The following DYNC1LI1 variants were observed in gnomAD, a reference collection of about 807,000 sequenced individuals.
The protein encoded by DYNC1LI1 is dynein cytoplasmic 1 light intermediate chain 1.
Under a neutral mutation model 63.8 loss-of-function variants are expected in DYNC1LI1, and 19 were observed. That is an observed-to-expected ratio of 0.30 (90% CI 0.21 to 0.44). The LOEUF (loss-of-function observed/expected upper bound fraction) is 0.44. DYNC1LI1 is among the 20% of genes least tolerant of loss of function. DYNC1LI1 has a pLI of 1.00. For missense variants in DYNC1LI1, 565 were observed against 630.2 expected, an observed-to-expected ratio of 0.90 and a Z score of 1.11; for synonymous variants, 225 against 232.3, an observed-to-expected ratio of 0.97 and a Z score of 0.28.
chr3:32,546,009 G>A (rs555955470), intron 2 of DYNC1LI1, 44 bp from the exon 3 acceptor site: 189 of 1,321,904 alleles, frequency 1.4e-4, no homozygotes, highest in South Asian at 7.8e-4. Context: ...TTATAACACC[G>A]ATTATTTAAG....
intron 10 of DYNC1LI1, 73 bp from the exon 11 acceptor site, chr3:32,529,733 A>T: frequency 7.3e-7 from 1 of 1,364,842 alleles, no homozygotes; most frequent in Non-Finnish European, 9.9e-7. Context: ...TATTGTAAAA[A>T]GAAATTACTT....
chr3:32,551,456 A>G lies in DYNC1LI1; in HGVS notation c.221-5491T>C, dbSNP rs531569112. On this transcript the variant is annotated intron_variant, in intron 2 of 12. Coordinates refer to ENST00000273130, the MANE Select transcript of DYNC1LI1 (RefSeq NM_016141.4). ...GAAAACAAACAGTGGAGGCCAGATC[A>G]TGAAAGGCATCTTATGCCAAGCTGA... Among the ~76,000 whole-genome samples the G allele has an allele frequency of 3.3e-5, 5 of 152,340 alleles. No homozygotes were observed. In the East Asian group the frequency reaches 9.7e-4, roughly 29 times the overall value.
At chr3:32,570,499 G>C (rs1293887436) in intron 1 of DYNC1LI1, 80 bp from the exon 2 acceptor site, 1 of 1,480,622 alleles carries the variant, frequency 6.8e-7, no homozygotes, top group Non-Finnish European at 9.0e-7. Flanking sequence ...TCGGCGCGCC[G>C]GGGATGGGGC....
intron 12 of DYNC1LI1, among the ~76,000 whole-genome samples, chr3:32,527,189 T>G (rs1408042675): frequency 6.6e-6 from 1 of 152,068 alleles, no homozygotes; most frequent in Non-Finnish European, 1.5e-5. Flanking sequence ...CCCAGCTACT[T>G]GGGAGGCTGA....
At chr3:32,528,393 T>C in intron 12 of DYNC1LI1, 53 bp downstream of exon 12, 2 of 1,600,874 alleles carry the variant, frequency 1.2e-6, no homozygotes, top group Admixed American at 1.7e-5. Flanking sequence ...AACTTCATTA[T>C]ATCTCAAAAA....
intron 2 of DYNC1LI1, among the ~76,000 whole-genome samples, chr3:32,566,031 G>C (rs1698254557): frequency 6.6e-6 from 1 of 152,182 alleles, no homozygotes; most frequent in African/African-American, 2.4e-5. Context: ...TACTTTGGGA[G>C]ACTGAGGTGA....
At chr3:32,542,630 ATTCCCGAC>A (rs574044614) in intron 4 of DYNC1LI1, among the ~76,000 whole-genome samples, 1 of 152,064 alleles carries the variant, frequency 6.6e-6, no homozygotes, top group Non-Finnish European at 1.5e-5. Flanking sequence ...CTAGTCTTGA[ATTCCCGAC>A]TTGTGATCCA....
intron 2 of DYNC1LI1, among the ~76,000 whole-genome samples, chr3:32,560,592 G>C (rs573333649): frequency 2.6e-5 from 4 of 152,016 alleles, no homozygotes; most frequent in Admixed American, 2.6e-4. Flanking sequence ...CCCTGCAGCT[G>C]GCCAAAGCCC....
chr3:32,563,329 C>T (rs1308346394), intron 2 of DYNC1LI1, among the ~76,000 whole-genome samples: 1 of 139,010 alleles, frequency 7.2e-6, no homozygotes, highest in Admixed American at 7.8e-5. Context: ...CTTGCTTGGT[C>T]ACCCAGGCTG....
chr3:32,542,138 C>T (rs1377431390), intron 4 of DYNC1LI1, among the ~76,000 whole-genome samples: 2 of 152,258 alleles, frequency 1.3e-5, no homozygotes, highest in Admixed American at 1.3e-4. Flanking sequence ...TATTTAGAGA[C>T]AGGGTCTTGC....
Position 32,530,516 on chromosome 3 carries a change from A to T in DYNC1LI1, c.1085T>A (p.Val362Glu). The T allele has an allele frequency of 6.2e-7, 1 of 1,612,690 alleles. No individual in the cohort carries two copies. ...IITKPPVRKFVHEKEIMAEDD... is the reference protein window; with the variant it reads ...IITKPPVRKFEHEKEIMAEDD... ...TTCTGCCATAATTTCCTTCTCATGT[A>T]CAAACTGAAATGAGCAATGCACAAA... is the stretch of plus-strand genomic sequence containing the variant. Residue 362 changes from valine to glutamate, a missense_variant, in exon 9 of 13, where the codon GTA becomes GAA. Physicochemically the swap from Val to Glu is moderately radical, Grantham distance 121. Transcript: ENST00000273130.
At chr3:32,562,895 A>G (rs772624981) in intron 2 of DYNC1LI1, among the ~76,000 whole-genome samples, 1 of 152,174 alleles carries the variant, frequency 6.6e-6, no homozygotes, top group African/African-American at 2.4e-5. Context: ...CGCCATATCT[A>G]AACTGCCTCG....
intron 6 of DYNC1LI1, among the ~76,000 whole-genome samples, chr3:32,535,308 T>C (rs148389613): frequency 7.7e-4 from 118 of 152,300 alleles, no homozygotes; most frequent in Non-Finnish European, 1.5e-3. Flanking sequence ...TGGATGTAAA[T>C]ATTAAGACAT....
chr3:32,570,317 C>A, intron 2 of DYNC1LI1, 29 bp downstream of exon 2: 1 of 1,522,560 alleles, frequency 6.6e-7, no homozygotes, highest in Non-Finnish European at 8.9e-7. Flanking sequence ...GGGGGCCGGG[C>A]GGGGCGGGGC....
chr3:32,546,705 G>T (rs1426016823), intron 2 of DYNC1LI1, among the ~76,000 whole-genome samples: 1 of 152,114 alleles, frequency 6.6e-6, no homozygotes, highest in Non-Finnish European at 1.5e-5. Context: ...AATCAAGGGG[G>T]AAGGATGGCA....
chr3:32,551,355 G>A (rs1408278400), intron 2 of DYNC1LI1, among the ~76,000 whole-genome samples: 1 of 152,194 alleles, frequency 6.6e-6, no homozygotes. Context: ...CAGAAGCAAA[G>A]AAGCATCCTT....
chr3:32,533,491 A>G (rs1239197302), intron 7 of DYNC1LI1, among the ~76,000 whole-genome samples: 1 of 152,076 alleles, frequency 6.6e-6, no homozygotes, highest in East Asian at 1.9e-4. Flanking sequence ...AAAGATTACC[A>G]ATATTAAAAA....
chr3:32,532,630 C>G (rs1376516093), intron 8 of DYNC1LI1: 1 of 165,386 alleles, frequency 6.0e-6, no homozygotes, highest in African/African-American at 2.4e-5. Context: ...TGGCTCTTGG[C>G]CAAGCTCTAG....
At chr3:32,557,522 C>CA (rs1294308206) in intron 2 of DYNC1LI1, among the ~76,000 whole-genome samples, 2 of 147,554 alleles carry the variant, frequency 1.4e-5, no homozygotes, top group African/African-American at 5.0e-5. Context: ...GACTCCGTCT[C>CA]AAAAAAAGTA....
Sources: gnomAD v4.1 joint callset for allele counts (sites outside exome capture counted in the v4.1 genomes callset) on GRCh38, gnomAD v4.1.1 for gene constraint, MANE v1.5 for transcripts, NCBI Gene and HGNC (gene_info 2026-07-23, HGNC 2026-07-21) for gene names.